CFAP46: variants seen among roughly 807,000 people sequenced by gnomAD.
CFAP46 encodes cilia and flagella associated protein 46, also known as cilia- and flagella-associated protein 46.
In CFAP46, 245 loss-of-function variants were observed where a neutral mutation model predicts 325.7. The ratio of observed to expected loss-of-function variants is 0.75; its 90% confidence interval spans 0.68 to 0.84. The LOEUF (loss-of-function observed/expected upper bound fraction) is 0.84. CFAP46 is among the 40% of genes least tolerant of loss of function. CFAP46 has a pLI of 0.00. For missense variants in CFAP46, 3,346 were observed against 3,543.0 expected (o/e 0.94, Z 1.41); for synonymous variants, 1,523 against 1,495.9 (o/e 1.02, Z -0.42).
At chr10:132,909,722 T>C (rs976879297) in intron 20 of CFAP46, among the ~76,000 whole-genome samples, 197 bp downstream of exon 20, 3 of 152,066 alleles carry the variant, frequency 2.0e-5, no homozygotes, top group African/African-American at 7.2e-5. Context: ...CGTGGACGGG[T>C]GGGCAGAGGA....
intron 9 of CFAP46, among the ~76,000 whole-genome samples, chr10:132,928,145 C>T (rs1849839298): frequency 6.6e-6 from 1 of 152,184 alleles, no homozygotes; most frequent in Non-Finnish European, 1.5e-5. Flanking sequence ...ATACACAAAA[C>T]ATTGCTCTCA....
chr10:132,928,118 G>A (rs947375714), intron 9 of CFAP46, among the ~76,000 whole-genome samples: 6 of 152,276 alleles, frequency 3.9e-5, no homozygotes, highest in Middle Eastern at 3.4e-3. Flanking sequence ...GGGCCCACCC[G>A]AGAGCCTCAA....
Position 132,869,300 on chromosome 10 carries a change from C to T in CFAP46, c.4584G>A (p.Val1528=). 2 of 1,538,948 alleles carry T rather than the reference C, an allele frequency of 1.3e-6. No homozygotes were observed. Among genetic ancestry groups the T allele is most frequent in the Non-Finnish European group, 1.7e-6 (2 of 1,144,108 alleles). The part of the protein sequence containing the change: ...AARHEEAVGQ[V]CVSELEQASC... Reference sequence around the variant, plus strand: ...TGGCCTGCTCCAGCTCGCTGACGCACACCTGCCCGACCGCCTCTTCATGGC... The same window carrying T: ...TGGCCTGCTCCAGCTCGCTGACGCATACCTGCCCGACCGCCTCTTCATGGC... Residue 1528 remains valine (V), a synonymous_variant, in exon 33 of 58, where the codon GTG becomes GTA. Transcript: ENST00000368586. The surrounding 1 kb of genome is among the most constrained non-coding windows in gnomAD (Gnocchi z 6.2).
chr10:132,941,660 G>T lies in CFAP46; in HGVS notation c.237C>A (p.Ile79=). ...GGTGCGCTCGGCCCAGAAACTGGGT[G>T]ATGGGCGCCTTCACCTTGAAGTACA... ...IQMYFKVKAP[I]TQFLGRAHLC... is the part of the protein sequence containing the mutation. The change falls in exon 3 of 58, where the codon ATC becomes ATA. Residue 79 remains isoleucine (I), a synonymous_variant. Transcript: ENST00000368586. The T allele has an allele frequency of 6.2e-7, 1 of 1,614,060 alleles. No homozygotes were observed. Among genetic ancestry groups the T allele is most frequent in the Non-Finnish European group, 8.5e-7 (1 of 1,180,040 alleles).
At chr10:132,844,742 C>A (rs1848406398) in intron 44 of CFAP46, among the ~76,000 whole-genome samples, 1 of 152,148 alleles carries the variant, frequency 6.6e-6, no homozygotes, top group African/African-American at 2.4e-5. Context: ...TGCAGCCGTG[C>A]GGGAGGGAGA....
chr10:132,922,284 A>C (rs930517085), intron 12 of CFAP46, 60 bp from the exon 13 acceptor site: 2 of 1,518,276 alleles, frequency 1.3e-6, no homozygotes, highest in Non-Finnish European at 8.9e-7. Context: ...CACCTTCTCC[A>C]ACTTCTGGAG....
intron 25 of CFAP46, among the ~76,000 whole-genome samples, chr10:132,887,357 CCT>C (rs1468642209): frequency 9.4e-5 from 5 of 52,928 alleles, no homozygotes; most frequent in Admixed American, 2.9e-4. Context: ...CCTCTCCTCC[CCT>C]CTTCTTTCCT....
In CFAP46 at chr10:132,913,210, G is replaced by C. The variant is rs1385980426; in HGVS notation, c.2169C>G (p.Arg723=). ...LSRCAMNNWL[R]SAEIGQEIQE... ...GGATCTCCTGTCCGATCTCTGCGGA[G>C]CGCAGCCAGTTATTCATGGCACACC... is the stretch of plus-strand genomic sequence containing the variant. Residue 723 remains arginine, a synonymous_variant, in exon 18 of 58, where the codon CGC becomes CGG. Coordinates refer to ENST00000368586, the MANE Select transcript of CFAP46 (RefSeq NM_001200049.3). 6.4e-7 allele frequency: 1 copy of C among 1,550,496 alleles called. No individual in the cohort carries two copies. The highest frequency in any genetic ancestry group is 2.0e-5 in the Admixed American group (1 of 51,008).
rs758899051 is a variant in CFAP46, at chr10:132,847,132, G to A, written c.6088-21C>T. The stretch of plus-strand genomic sequence containing the variant: ...CTCCTCTGTGGGGCACAAGGCTCAG[G>A]CTCAGGCCAGGCTCCGGGCAGAGGC... On this transcript the variant is annotated intron_variant, in intron 42 of 57. Transcript: ENST00000368586. The surrounding 1 kb of genome is among the most constrained non-coding windows in gnomAD (Gnocchi z 5.2). 5 of 1,607,984 alleles carry A rather than the reference G, an allele frequency of 3.1e-6. No homozygotes were observed. Among genetic ancestry groups the A allele is most frequent in the African/African-American group, 1.3e-5 (1 of 74,912 alleles).
chr10:132,841,542 T>C (rs1210358236), intron 44 of CFAP46, among the ~76,000 whole-genome samples: 1 of 152,208 alleles, frequency 6.6e-6, no homozygotes, highest in Non-Finnish European at 1.5e-5. Flanking sequence ...CCTGTTCCCG[T>C]GGCTTTGCTC....
chr10:132,938,733 T>A lies in CFAP46; in HGVS notation c.392A>T (p.Asn131Ile). The change falls in exon 5 of 58, where the codon AAT becomes ATT. Residue 131 changes from asparagine to isoleucine, a missense_variant. By Grantham distance (149) the Asn-to-Ile change is moderately radical (BLOSUM62 -3). Transcript: ENST00000368586. The part of the protein sequence containing the change: ...GEPRYYFLVY[N>I]ASVLYWQMVR... The stretch of plus-strand genomic sequence containing the variant: ...CATCTGCCAGTAGAGGACTGATGCA[T>A]TGTACACCAAAAAGTAGTACCTGCG... The A allele has an allele frequency of 2.5e-6, 4 of 1,613,246 alleles. No homozygotes were observed. Among genetic ancestry groups the A allele is most frequent in the Non-Finnish European group, 3.4e-6 (4 of 1,179,884 alleles).
intron 22 of CFAP46, among the ~76,000 whole-genome samples, chr10:132,905,253 G>A (rs549713081): frequency 5.5e-4 from 84 of 152,182 alleles, no homozygotes; most frequent in Admixed American, 1.8e-3. Context: ...TTGGTTTCCC[G>A]GACTCTCTAA....
At chr10:132,924,082 T>C (rs2135630558) in intron 11 of CFAP46, among the ~76,000 whole-genome samples, 1 of 152,182 alleles carries the variant, frequency 6.6e-6, no homozygotes, top group Middle Eastern at 3.4e-3. Context: ...AAACAGGTCC[T>C]GAGATCAGGG....
chr10:132,857,920 G>T, intron 38 of CFAP46, 132 bp from the exon 39 acceptor site: 1 of 768,694 alleles, frequency 1.3e-6, no homozygotes, highest in Non-Finnish European at 2.0e-6. Flanking sequence ...AACATGTAAA[G>T]ACATCCTCGA....
intron 41 of CFAP46, among the ~76,000 whole-genome samples, chr10:132,849,234 C>T (rs1388516204): frequency 6.6e-6 from 1 of 152,234 alleles, no homozygotes; most frequent in African/African-American, 2.4e-5. Context: ...CCACACCCAC[C>T]CGCTACCTGA....
rs572295576 is a variant in CFAP46, at chr10:132,911,816, G to A, written c.2499+839C>T. On this transcript the variant is annotated intron_variant, in intron 19 of 57. Coordinates refer to ENST00000368586, the MANE Select transcript of CFAP46 (RefSeq NM_001200049.3). The stretch of plus-strand genomic sequence containing the variant: ...GGTGGTGTGGTCCCTGTTTCTCGCC[G>A]TTCCAATCCGCCGTTTCTGGTTCTA... Among the ~76,000 whole-genome samples, 16 of 152,220 alleles carry A rather than the reference G, an allele frequency of 1.1e-4. 1 individual carries two copies. The South Asian group carries it at 1.2e-3, about 12-fold the overall frequency.
chr10:132,865,919 G>C, intron 35 of CFAP46, 106 bp downstream of exon 35: 1 of 1,187,588 alleles, frequency 8.4e-7, no homozygotes, highest in Non-Finnish European at 1.1e-6. Flanking sequence ...ACGTGGCCCT[G>C]CTAGAGCTGA....
chr10:132,925,952 C>T (rs959666390), intron 10 of CFAP46, among the ~76,000 whole-genome samples: 1 of 152,332 alleles, frequency 6.6e-6, no homozygotes, highest in Non-Finnish European at 1.5e-5. Context: ...TGGCACTTGC[C>T]GTGGTACCAC....
At chr10:132,907,268 C>T (rs1849470305) in intron 22 of CFAP46, among the ~76,000 whole-genome samples, 1 of 152,244 alleles carries the variant, frequency 6.6e-6, no homozygotes, top group Admixed American at 6.5e-5. Context: ...TCAAGGAAAA[C>T]AACCTTTACT....
Sources: allele counts gnomAD v4.1 joint callset (sites outside exome capture counted in the v4.1 genomes callset), GRCh38; gene constraint gnomAD v4.1.1; non-coding constraint Gnocchi (gnomAD v3.1); transcripts MANE v1.5; gene names NCBI Gene and HGNC (gene_info 2026-07-23, HGNC 2026-07-21).